Variants in OCA2 observed in about 807,000 individuals in gnomAD.
OCA2 encodes OCA2 melanosomal transmembrane protein.
A neutral mutation model predicts 100.2 loss-of-function variants in OCA2; 77 were observed. The ratio of observed to expected loss-of-function variants is 0.77; its 90% CI spans 0.64 to 0.93. OCA2 has a LOEUF of 0.93. Among genes scored for constraint, OCA2 ranks in the 40% least tolerant of loss-of-function variants. The pLI is 0.00. For synonymous variants in OCA2, 432 were observed against 439.2 expected, an observed-to-expected ratio of 0.98 and a Z score of 0.21; for missense variants, 1,062 against 1,089.1, an observed-to-expected ratio of 0.98 and a Z score of 0.35.
intron 17 of OCA2, 133 bp downstream of exon 17, chr15:27,955,025 C>T (rs1395502301): frequency 2.6e-6 from 2 of 778,502 alleles, no homozygotes; most frequent in Non-Finnish European, 4.6e-6. Context: ...ACACATAAAC[C>T]TCAACGTCTT....
intron 19 of OCA2, among the ~76,000 whole-genome samples, chr15:27,918,598 C>G (rs2038752537): frequency 6.6e-6 from 1 of 152,146 alleles, no homozygotes; most frequent in African/African-American, 2.4e-5. Flanking sequence ...GTTTCAGTCA[C>G]AAATGAAAAT....
chr15:28,072,347 T>TG (rs1337919019), intron 2 of OCA2, among the ~76,000 whole-genome samples: 2 of 152,028 alleles, frequency 1.3e-5, no homozygotes, highest in Non-Finnish European at 2.9e-5. Flanking sequence ...CCCAGCACTT[T>TG]GGGGGGCCGA....
At chr15:27,810,588 C>A (rs577288484) in intron 23 of OCA2, among the ~76,000 whole-genome samples, 36 of 135,152 alleles carry the variant, frequency 2.7e-4, no homozygotes, top group African/African-American at 9.2e-4. Context: ...AAACAGACAA[C>A]CCACAGAGTG....
intron 1 of OCA2, among the ~76,000 whole-genome samples, chr15:28,083,621 A>T (rs1482434707): frequency 6.6e-6 from 1 of 152,232 alleles, no homozygotes; most frequent in Non-Finnish European, 1.5e-5. Context: ...TTGCATTTGA[A>T]ACTGATGTGG....
intron 19 of OCA2, among the ~76,000 whole-genome samples, chr15:27,888,848 G>T (rs2037338641): frequency 6.6e-6 from 1 of 151,996 alleles, no homozygotes; most frequent in South Asian, 2.1e-4. Flanking sequence ...GTTTTTCCGG[G>T]TCTGTTACAA....
intron 23 of OCA2, among the ~76,000 whole-genome samples, chr15:27,785,740 G>T (rs1460482713): frequency 3.9e-5 from 6 of 152,112 alleles, no homozygotes; most frequent in Admixed American, 1.3e-4. Context: ...CCACTTCTGG[G>T]TATATACCCC....
At chr15:27,883,963 A>G (rs2037123433) in intron 19 of OCA2, among the ~76,000 whole-genome samples, 1 of 152,252 alleles carries the variant, frequency 6.6e-6, no homozygotes, top group Non-Finnish European at 1.5e-5. Context: ...CATTTCAAAT[A>G]TATTATAATT....
rs1177941643 is a variant in OCA2, at chr15:27,835,389, A to T, written c.2432+9570T>A. 3.3e-5 allele frequency among the ~76,000 whole-genome samples: 5 copies of T among 152,098 alleles called. No individual in the cohort carries two copies. In the South Asian group the frequency reaches 1.0e-3, roughly 32 times the overall value. On this transcript the variant is annotated intron_variant, in intron 23 of 23. Transcript: ENST00000354638. ...GGCCTGTGATGCAGGGAGAAGTCTG[A>T]GGCCCCCACCGCCATCCCAGCAGTG... is the stretch of plus-strand genomic sequence containing the variant.
intron 23 of OCA2, among the ~76,000 whole-genome samples, chr15:27,837,823 G>A (rs566179851): frequency 6.6e-6 from 1 of 151,352 alleles, no homozygotes; most frequent in Non-Finnish European, 1.5e-5. Flanking sequence ...GGGCAGGGGG[G>A]GAAATGCAGA....
At chr15:27,909,682 A>C (rs1427678842) in intron 19 of OCA2, among the ~76,000 whole-genome samples, 3 of 152,194 alleles carry the variant, frequency 2.0e-5, no homozygotes, top group Non-Finnish European at 4.4e-5. Context: ...GTACTGGGAC[A>C]ACCAGGTAGT....
chr15:28,024,802 TCCACGGAC>T (rs1566812424), intron 5 of OCA2, 35 bp downstream of exon 5: 1 of 1,609,636 alleles, frequency 6.2e-7, no homozygotes, highest in Admixed American at 1.7e-5. Context: ...ACACAGGGCT[TCCACGGAC>T]CCAACAGTAG....
chr15:28,041,563 T>C (rs138847113), intron 2 of OCA2, among the ~76,000 whole-genome samples: 13 of 152,274 alleles, frequency 8.5e-5, no homozygotes, highest in African/African-American at 2.4e-4. Flanking sequence ...GCATCCAAAC[T>C]GGAAAGGAAG....
intron 1 of OCA2, among the ~76,000 whole-genome samples, chr15:28,095,063 A>G (rs1216182449): frequency 1.3e-5 from 2 of 152,254 alleles, no homozygotes; most frequent in African/African-American, 2.4e-5. Flanking sequence ...AGCAGCCAAG[A>G]GAGCGGTGCT....
chr15:27,724,743 T>C, the OCA2 span, among the ~76,000 whole-genome samples: 1 of 152,056 alleles, frequency 6.6e-6, no homozygotes, highest in African/African-American at 2.4e-5. Context: ...TTTGCTTGTT[T>C]ATTGTTTAGA....
At chr15:27,756,875 G>A (rs1470671371) in intron 23 of OCA2, among the ~76,000 whole-genome samples, 2 of 152,214 alleles carry the variant, frequency 1.3e-5, no homozygotes, top group African/African-American at 2.4e-5. Flanking sequence ...CCTGGTGGGT[G>A]GTTTTGCCGT....
intron 17 of OCA2, 59 bp from the exon 18 acceptor site, chr15:27,951,951 G>A: frequency 8.7e-7 from 1 of 1,148,514 alleles, no homozygotes; most frequent in Admixed American, 1.7e-5. Context: ...CCTGCAGCGT[G>A]TCATAACCTA....
intron 19 of OCA2, among the ~76,000 whole-genome samples, chr15:27,903,591 C>G (rs2594906): frequency 0.2 from 29,883 of 152,218 alleles, 5,151 homozygotes; most frequent in African/African-American, 0.46. Context: ...CCCCCAGGAG[C>G]TTGGAACTCC....
At position 27,981,993 on chromosome 15, in the gene OCA2, A is replaced by G. The variant is rs533893077; in HGVS notation, c.1503+1352T>C. Among the ~76,000 whole-genome samples the G allele has an allele frequency of 3.8e-4, 58 of 152,248 alleles. 1 individual carries two copies. Among genetic ancestry groups the G allele is most frequent in the Admixed American group, 1.2e-3 (18 of 15,302 alleles). ...ATTTGTTTCCCGTCTCACAGGGATC[A>G]CTGTCCCTTTGTGCCTGTTATCCAG... is the stretch of plus-strand genomic sequence containing the variant. On this transcript the variant is annotated intron_variant, in intron 14 of 23. Coordinates refer to ENST00000354638, the MANE Select transcript of OCA2 (RefSeq NM_000275.3).
At chr15:27,742,419 C>CATAGG in the OCA2 span, among the ~76,000 whole-genome samples, 1 of 152,098 alleles carries the variant, frequency 6.6e-6, no homozygotes, top group Admixed American at 6.5e-5. Context: ...ACCAACTGTG[C>CATAGG]ATAGGTCAAG....
Sources: gnomAD v4.1 joint callset for allele counts (sites outside exome capture counted in the v4.1 genomes callset) on GRCh38, gnomAD v4.1.1 for gene constraint, MANE v1.5 for transcripts, NCBI Gene and HGNC (gene_info 2026-07-23, HGNC 2026-07-21) for gene names.